KCNMA1: variants seen among roughly 807,000 people sequenced by gnomAD.
The protein encoded by KCNMA1 is Calcium-activated potassium channel subunit alpha-1.
Under a neutral mutation model 140.0 loss-of-function variants are expected in KCNMA1, and 29 were observed. The observed-to-expected ratio is 0.21, with a 90% CI of 0.15 to 0.28. The LOEUF (loss-of-function observed/expected upper bound fraction) is 0.28. KCNMA1 is among the 10% of genes least tolerant of loss of function. The pLI is 1.00. For missense variants in KCNMA1, 880 were observed against 1,602.2 expected, an observed-to-expected ratio of 0.55 and a Z score of 7.70; for synonymous variants, 612 against 611.9, an observed-to-expected ratio of 1.00 and a Z score of 0.00.
At chr10:77,603,312 A>C (rs1603638243) in intron 1 of KCNMA1, among the ~76,000 whole-genome samples, 13 of 141,230 alleles carry the variant, frequency 9.2e-5, no homozygotes, top group South Asian at 4.9e-4. Context: ...ACCCATCTCC[A>C]CCCCCTCAGC....
At chr10:77,348,814 C>T (rs2092526436) in intron 2 of KCNMA1, among the ~76,000 whole-genome samples, 1 of 152,174 alleles carries the variant, frequency 6.6e-6, no homozygotes, top group African/African-American at 2.4e-5. Context: ...AAATTAAGTG[C>T]TTCTGTCCTG....
At chr10:77,506,731 T>A (rs1208528723) in intron 1 of KCNMA1, among the ~76,000 whole-genome samples, 9 of 133,998 alleles carry the variant, frequency 6.7e-5, no homozygotes, top group African/African-American at 2.5e-4. Flanking sequence ...AGAGAGTGTG[T>A]GTGTGTGTGT....
At chr10:77,441,226 T>C (rs934523965) in intron 1 of KCNMA1, among the ~76,000 whole-genome samples, 1 of 152,102 alleles carries the variant, frequency 6.6e-6, no homozygotes, top group African/African-American at 2.4e-5. Context: ...TGAGGCTGGG[T>C]CTGAACTTTG....
chr10:77,355,524 G>A (rs955708923), intron 2 of KCNMA1, among the ~76,000 whole-genome samples: 1 of 152,184 alleles, frequency 6.6e-6, no homozygotes, highest in African/African-American at 2.4e-5. Flanking sequence ...TGGGCATGAT[G>A]AAGGAAGCAT....
chr10:77,463,323 T>C (rs2097913926), intron 1 of KCNMA1, among the ~76,000 whole-genome samples: 2 of 152,196 alleles, frequency 1.3e-5, no homozygotes, highest in South Asian at 4.1e-4. Flanking sequence ...CACACTGTAC[T>C]GTGTTGTCAC....
At chr10:77,606,662 T>G (rs1276364252) in intron 1 of KCNMA1, among the ~76,000 whole-genome samples, 1 of 152,134 alleles carries the variant, frequency 6.6e-6, no homozygotes, top group Non-Finnish European at 1.5e-5. Flanking sequence ...CGTCTGTATC[T>G]GGCAGTGCCC....
At chr10:76,898,756 T>C (rs1341431696) in intron 25 of KCNMA1, among the ~76,000 whole-genome samples, 1 of 151,860 alleles carries the variant, frequency 6.6e-6, no homozygotes, top group Non-Finnish European at 1.5e-5. Context: ...ATATCATGTC[T>C]TGAGGCCAAT....
Position 77,112,630 on chromosome 10 carries a change from G to C in KCNMA1, c.885-188C>G, listed in dbSNP as rs1194348415. ...GGGATGAAGGTCAGGACAGAGCCTA[G>C]AGGAACAAATTTAACTTTGGTAAAA... On this transcript the variant is annotated intron_variant, in intron 6 of 27. Transcript: ENST00000286628. Among the ~76,000 whole-genome samples the C allele has an allele frequency of 2.0e-5, 3 of 152,184 alleles. No homozygotes were observed. In the East Asian group the frequency reaches 5.8e-4, roughly 29 times the overall value.
intron 1 of KCNMA1, among the ~76,000 whole-genome samples, chr10:77,503,292 C>T (rs2044579945): frequency 6.6e-6 from 1 of 152,026 alleles, no homozygotes. Context: ...TGACCTAGTA[C>T]ACATTTTGGA....
At chr10:77,395,972 A>T (rs112106656) in intron 2 of KCNMA1, among the ~76,000 whole-genome samples, 4 of 152,230 alleles carry the variant, frequency 2.6e-5, no homozygotes. Context: ...TAGTAAAAAA[A>T]GAATGTATCT....
intron 3 of KCNMA1, among the ~76,000 whole-genome samples, chr10:77,247,604 C>T (rs2058827798): frequency 6.6e-6 from 1 of 152,108 alleles, no homozygotes; most frequent in African/African-American, 2.4e-5. Flanking sequence ...ACTAAAGTGA[C>T]GTGTGACATA....
At chr10:76,969,767 A>G (rs766593606) in intron 20 of KCNMA1, among the ~76,000 whole-genome samples, 1 of 152,308 alleles carries the variant, frequency 6.6e-6, no homozygotes, top group South Asian at 2.1e-4. Context: ...TTCATGACAG[A>G]ATTTTTTCAG....
chr10:77,565,923 A>G lies in KCNMA1; in HGVS notation c.378+71342T>C, dbSNP rs190838503. Among the ~76,000 whole-genome samples the G allele has an allele frequency of 7.0e-3, 1,063 of 152,202 alleles. 6 individuals are homozygous for G. Among genetic ancestry groups the G allele is most frequent in the Non-Finnish European group, 0.011 (736 of 68,000 alleles). On this transcript the variant is annotated intron_variant, in intron 1 of 27. Coordinates refer to ENST00000286628, the MANE Select transcript of KCNMA1 (RefSeq NM_001161352.2). ...CAGCCCTAACGCTCTCACCAGGGACACACAGAACAAGCCAGTGCCTCCTCG... is the reference window on the plus strand; with the variant it reads ...CAGCCCTAACGCTCTCACCAGGGACGCACAGAACAAGCCAGTGCCTCCTCG...
intron 24 of KCNMA1, chr10:76,913,946 G>A (rs2051508068): frequency 2.6e-6 from 2 of 772,700 alleles, no homozygotes; most frequent in South Asian, 3.4e-5. Context: ...CAGTGCCATG[G>A]GGTAGCCTTT....
At chr10:77,250,914 T>A in intron 3 of KCNMA1, 1 of 419,674 alleles carries the variant, frequency 2.4e-6, no homozygotes. Flanking sequence ...TCAGTGCAAA[T>A]ACATCATTAG....
At position 77,013,883 on chromosome 10, in the gene KCNMA1, G is replaced by A. The variant is rs60768269; in HGVS notation, c.2016-1840C>T. ...ACCAGAGCCCAAGGTCTATACTAAA[G>A]AGATGATGACATGATAATAAGCCTG... is the stretch of plus-strand genomic sequence containing the variant. On this transcript the variant is annotated intron_variant, in intron 17 of 27. Transcript: ENST00000286628. Among the ~76,000 whole-genome samples the A allele has an allele frequency of 5.9e-3, 893 of 152,300 alleles. 3 individuals carry two copies. The highest frequency in any genetic ancestry group is 0.021 in the African/African-American group (857 of 41,564).
At chr10:76,967,064 A>C (rs562911509) in intron 20 of KCNMA1, among the ~76,000 whole-genome samples, 1 of 152,278 alleles carries the variant, frequency 6.6e-6, no homozygotes, top group East Asian at 1.9e-4. Context: ...CTGCTGGCAG[A>C]TGATTTGGAA....
chr10:77,025,587 T>C, intron 16 of KCNMA1: 1 of 708,424 alleles, frequency 1.4e-6, no homozygotes, highest in Non-Finnish European at 2.5e-6. Flanking sequence ...CAAGGTTTTT[T>C]GGCAAAGCAT....
At position 77,324,959 on chromosome 10, in the gene KCNMA1, CTCTCTCTCTCTCTGTGTGTG is replaced by C. The variant is rs1251717921; in HGVS notation, c.541-73723_541-73704del. The stretch of plus-strand genomic sequence containing the variant: ...CTCTAGACTCTCTCTCTCTCTCTCT[CTCTCTCTCTCTCTGTGTGTG>C]TGTGTGTGTGTGTGTGTGTGTGTGT... On this transcript the variant is annotated intron_variant, in intron 2 of 27. Transcript: ENST00000286628. Among the ~76,000 whole-genome samples, 336 of 121,442 alleles carry C rather than the reference CTCTCTCTCTCTCTGTGTGTG, an allele frequency of 2.8e-3. 1 individual carries two copies. The highest frequency in any genetic ancestry group is 9.6e-3 in the African/African-American group (292 of 30,308). 79.7% of individuals were successfully genotyped at this position (121,442 alleles called of 152,430 possible). A position where few individuals can be genotyped will look rare whatever the true frequency, so the allele number is the denominator to read the frequency against.
Sources: allele counts gnomAD v4.1 joint callset (sites outside exome capture counted in the v4.1 genomes callset), GRCh38; gene constraint gnomAD v4.1.1; transcripts MANE v1.5; gene names NCBI Gene and HGNC (gene_info 2026-07-23, HGNC 2026-07-21).